The following FMN2 variants were observed in gnomAD, a reference collection of about 807,000 sequenced individuals.
The protein encoded by FMN2 is formin 2.
A neutral mutation model predicts 142.3 loss-of-function variants in FMN2; 51 were observed. That is an observed-to-expected ratio of 0.36 (90% CI 0.29 to 0.45). The LOEUF (loss-of-function observed/expected upper bound fraction) is 0.45. Ranked by LOEUF, FMN2 falls within the 20% of genes least tolerant of loss-of-function variation. FMN2 has a pLI of 1.00. For synonymous variants in FMN2, 882 were observed against 869.8 expected, an observed-to-expected ratio of 1.01 and a Z score of -0.25; for missense variants, 1,936 against 2,122.8, an observed-to-expected ratio of 0.91 and a Z score of 1.73.
chr1:240,175,205 C>T (rs1361029954), intron 2 of FMN2, among the ~76,000 whole-genome samples: 1 of 152,070 alleles, frequency 6.6e-6, no homozygotes, highest in Non-Finnish European at 1.5e-5. Context: ...GTATATATAT[C>T]ACATTTTGTT....
At chr1:240,385,168 T>G (rs1673367542) in intron 14 of FMN2, among the ~76,000 whole-genome samples, 1 of 152,198 alleles carries the variant, frequency 6.6e-6, no homozygotes, top group South Asian at 2.1e-4. Flanking sequence ...TTTTTTTGGC[T>G]TTCTTATTTT....
chr1:240,189,123 G>T lies in FMN2; in HGVS notation c.1986+861G>T, dbSNP rs568505547. Among the ~76,000 whole-genome samples, 177 of 149,090 alleles carry T rather than the reference G, an allele frequency of 1.2e-3. 1 individual carries two copies. Among genetic ancestry groups the T allele is most frequent in the Middle Eastern group, 3.4e-3 (1 of 294 alleles). ...TTACCAAAGAAGCCAAATTTTGTGG[G>T]TTTTTTTTTCTTACGCTAAAATGCA... On this transcript the variant is annotated intron_variant, in intron 4 of 17. Coordinates refer to ENST00000319653, the MANE Select transcript of FMN2 (RefSeq NM_020066.5).
chr1:240,390,676 T>C (rs1159617682), intron 14 of FMN2, among the ~76,000 whole-genome samples: 2 of 152,206 alleles, frequency 1.3e-5, no homozygotes, highest in Non-Finnish European at 2.9e-5. Context: ...AAGTTTCTAC[T>C]GATTATTGGA....
At chr1:240,144,151 C>T (rs1663325574) in intron 2 of FMN2, 5 of 1,341,496 alleles carry the variant, frequency 3.7e-6, no homozygotes, top group South Asian at 2.3e-5. Context: ...GATGCAGCTG[C>T]ACTCAACATT....
At chr1:240,273,119 A>G (rs1355197514) in intron 7 of FMN2, among the ~76,000 whole-genome samples, 3 of 152,188 alleles carry the variant, frequency 2.0e-5, no homozygotes, top group Non-Finnish European at 4.4e-5. Flanking sequence ...CATTGTCAAA[A>G]ACAGCATGAA....
At chr1:240,218,023 G>A (rs1161919306) in intron 6 of FMN2, among the ~76,000 whole-genome samples, 2 of 152,020 alleles carry the variant, frequency 1.3e-5, no homozygotes, top group Non-Finnish European at 2.9e-5. Flanking sequence ...AGTGGCTCAC[G>A]CCTGTAATCC....
intron 2 of FMN2, among the ~76,000 whole-genome samples, chr1:240,157,990 A>AAAAAG (rs1367291462): frequency 6.6e-6 from 1 of 151,480 alleles, no homozygotes; most frequent in African/African-American, 2.4e-5. Flanking sequence ...AAAAAAAAAA[A>AAAAAG]AAAAGTCAGC....
At chr1:240,144,049 T>C (rs1202829749) in intron 2 of FMN2, 9 of 1,116,068 alleles carry the variant, frequency 8.1e-6, no homozygotes, top group Non-Finnish European at 1.1e-5. Context: ...CAAGAAGAAT[T>C]CCTGACTTAA....
intron 14 of FMN2, among the ~76,000 whole-genome samples, chr1:240,369,902 G>A (rs1672807418): frequency 6.6e-6 from 1 of 152,194 alleles, no homozygotes; most frequent in Admixed American, 6.5e-5. Flanking sequence ...CTAATGCAGT[G>A]TGGTTGCCCA....
chr1:240,120,045 A>G (rs1343712170), intron 1 of FMN2, among the ~76,000 whole-genome samples: 1 of 152,218 alleles, frequency 6.6e-6, no homozygotes, highest in East Asian at 1.9e-4. Flanking sequence ...CCTCCAAAAA[A>G]TCCTGGGAGA....
chr1:240,402,155 CT>C (rs1674014986), intron 15 of FMN2, among the ~76,000 whole-genome samples: 1 of 152,192 alleles, frequency 6.6e-6, no homozygotes, highest in African/African-American at 2.4e-5. Flanking sequence ...CATCTTGACT[CT>C]TAGCCCATTT....
At chr1:240,144,214 G>A (rs1337776154) in intron 2 of FMN2, 1 of 1,526,502 alleles carries the variant, frequency 6.6e-7, no homozygotes, top group Non-Finnish European at 9.1e-7. Flanking sequence ...TTAGCAGCTT[G>A]TCTTAAACAA....
At chr1:240,158,601 C>G (rs960963239) in intron 2 of FMN2, among the ~76,000 whole-genome samples, 4 of 152,104 alleles carry the variant, frequency 2.6e-5, no homozygotes, top group Non-Finnish European at 5.9e-5. Flanking sequence ...TGCATCTCCC[C>G]CCCACCACGC....
At chr1:240,437,179 C>T (rs899938872) in intron 15 of FMN2, among the ~76,000 whole-genome samples, 4 of 152,082 alleles carry the variant, frequency 2.6e-5, no homozygotes, top group Non-Finnish European at 4.4e-5. Context: ...CTGAGTGGCA[C>T]CTTCTGAAAA....
intron 16 of FMN2, among the ~76,000 whole-genome samples, chr1:240,452,708 A>T (rs1457926340): frequency 6.6e-6 from 1 of 152,202 alleles, no homozygotes; most frequent in African/African-American, 2.4e-5. Context: ...AGTAGAAAAA[A>T]GTATGTCATC....
At chr1:240,444,330 GA>G (rs1298570848) in intron 16 of FMN2, among the ~76,000 whole-genome samples, 13 of 152,358 alleles carry the variant, frequency 8.5e-5, no homozygotes, top group African/African-American at 2.6e-4. Flanking sequence ...TTTTGACCTA[GA>G]ACGTGGAGCA....
chr1:240,184,267 T>C (rs1665284557), intron 3 of FMN2, among the ~76,000 whole-genome samples: 1 of 131,562 alleles, frequency 7.6e-6, no homozygotes, highest in Non-Finnish European at 1.7e-5. Flanking sequence ...TTTTGAGACT[T>C]GCTCTGTCGC....
At chr1:240,232,640 A>T (rs1210425552) in intron 6 of FMN2, among the ~76,000 whole-genome samples, 1 of 152,198 alleles carries the variant, frequency 6.6e-6, no homozygotes, top group Non-Finnish European at 1.5e-5. Context: ...GCAAAATTCT[A>T]GAAAGAATCT....
At chr1:240,441,004 T>TTC (rs1240702185) in intron 16 of FMN2, among the ~76,000 whole-genome samples, 1 of 150,264 alleles carries the variant, frequency 6.7e-6, no homozygotes, top group Non-Finnish European at 1.5e-5. Flanking sequence ...CTTTTTTTTT[T>TTC]TTTTTTTTTG....
Sources: gnomAD v4.1 joint callset for allele counts (sites outside exome capture counted in the v4.1 genomes callset) on GRCh38, gnomAD v4.1.1 for gene constraint, MANE v1.5 for transcripts, NCBI Gene and HGNC (gene_info 2026-07-23, HGNC 2026-07-21) for gene names.